Variants in FIZ1 observed in about 807,000 individuals in gnomAD.
FIZ1 encodes flt3-interacting zinc finger protein 1.
Under a neutral mutation model 5.3 loss-of-function variants are expected in FIZ1, and 2 were observed. The ratio of observed to expected loss-of-function variants is 0.37; its 90% CI spans 0.15 to 1.18. FIZ1 has a LOEUF of 1.18. Ranked by LOEUF, FIZ1 falls within the 50% of genes most tolerant of loss-of-function variation. FIZ1 has a pLI of 0.37. For synonymous variants in FIZ1, 407 were observed against 364.2 expected, an observed-to-expected ratio of 1.12 and a Z score of -1.34; for missense variants, 631 against 749.7, an observed-to-expected ratio of 0.84 and a Z score of 1.85.
In FIZ1 at chr19:55,597,815, G is replaced by A. The variant is rs189301284; in HGVS notation, c.51C>T (p.Ala17=). 28 of 1,612,388 alleles carry A rather than the reference G, an allele frequency of 1.7e-5. No individual in the cohort carries two copies. The Admixed American group carries it at 3.8e-4, about 22-fold the overall frequency. The change falls in exon 2 of 3, where the codon GCC becomes GCT. Residue 17 remains alanine (A), a synonymous_variant. Coordinates refer to ENST00000221665, the MANE Select transcript of FIZ1 (RefSeq NM_032836.3). The part of the protein sequence containing the change: ...PTPAPAPPAA[A]APRVPFHCSE... ...TGCAGTGAAACGGGACCCTGGGGGC[G>A]GCAGCGGCGGGCGGTGCTGGTGCAG... is the stretch of plus-strand genomic sequence containing the variant.
chr19:55,592,801 G>A lies in FIZ1; in HGVS notation c.1140C>T (p.Ser380=), dbSNP rs1447046847. The change falls in exon 3 of 3, where the codon AGC becomes AGT. Residue 380 remains serine, a synonymous_variant. Transcript: ENST00000221665. This position sits in a 1 kb window ranked among gnomAD's most constrained non-coding sequence, Gnocchi z 6.9. ...LAALEEHRRV[S]HGEGGGEEAA... ...CCTCCTCCCCGCCGCCCTCACCGTG[G>A]CTGACCCGCCGGTGCTCCTCCAAGG... is the stretch of plus-strand genomic sequence containing the variant. 16 of 1,584,388 alleles carry A rather than the reference G, an allele frequency of 1.0e-5. No individual in the cohort carries two copies. Among genetic ancestry groups the A allele is most frequent in the Non-Finnish European group, 1.4e-5 (16 of 1,170,332 alleles).
At position 55,592,702 on chromosome 19, in the gene FIZ1, G is replaced by A. The variant is rs1980069449; in HGVS notation, c.1239C>T (p.Ile413=). The A allele has an allele frequency of 2.5e-6, 4 of 1,613,000 alleles. No individual in the cohort carries two copies. Among genetic ancestry groups the A allele is most frequent in the Non-Finnish European group, 3.4e-6 (4 of 1,179,820 alleles). The change falls in exon 3 of 3, where the codon ATC becomes ATT. Residue 413 remains isoleucine (I), a synonymous_variant. Transcript: ENST00000221665. The surrounding 1 kb of genome is among the most constrained non-coding windows in gnomAD (Gnocchi z 6.9). ...PPSGSGRGKK[I]FGCSECEKLF... is the part of the protein sequence containing the mutation. Reference sequence around the variant, plus strand: ...GCTTCTCGCACTCGGAGCAGCCGAAGATCTTCTTGCCGCGGCCGGAGCCAG... The same window carrying A: ...GCTTCTCGCACTCGGAGCAGCCGAAAATCTTCTTGCCGCGGCCGGAGCCAG...
At chr19:55,599,432 G>A (rs1980519644) in intron 1 of FIZ1, 42 bp downstream of exon 1, 1 of 152,276 alleles carries the variant, frequency 6.6e-6, no homozygotes, top group African/African-American at 2.4e-5. Flanking sequence ...GCGGCCCCGG[G>A]AGGCCGGGGA....
Position 55,593,514 on chromosome 19 carries a change from C to T in FIZ1, c.427G>A (p.Gly143Ser). ...CAGGGCGCACTCAAGGCGGGCAGGCCAGGGCCGGGCTGCAGGGGAGAGGGG... is the reference window on the plus strand; with the variant it reads ...CAGGGCGCACTCAAGGCGGGCAGGCTAGGGCCGGGCTGCAGGGGAGAGGGG... ...VLPSPLQPGP[G>S]LPALSAPCSV... Residue 143 changes from glycine to serine, a missense_variant, in exon 3 of 3, where the codon GGC becomes AGC. Physicochemically the swap from Gly to Ser is moderately conservative, Grantham distance 56. Coordinates refer to ENST00000221665, the MANE Select transcript of FIZ1 (RefSeq NM_032836.3). This position sits in a 1 kb window ranked among gnomAD's most constrained non-coding sequence, Gnocchi z 6.3. 3.9e-6 allele frequency: 6 copies of T among 1,550,062 alleles called. No homozygotes were observed. Among genetic ancestry groups the T allele is most frequent in the Non-Finnish European group, 5.2e-6 (6 of 1,146,720 alleles).
intron 2 of FIZ1, 25 bp downstream of exon 2, chr19:55,597,547 C>A (rs1980385726): frequency 6.2e-7 from 1 of 1,600,638 alleles, no homozygotes; most frequent in African/African-American, 1.3e-5. Flanking sequence ...GGGAGGCCAG[C>A]CTAGGGCCGG....
chr19:55,593,329 G>A lies in FIZ1; in HGVS notation c.612C>T (p.Ala204=), dbSNP rs1568515914. ...GGCCGTGGTCGAAGCGCCGCGCGCAGGCGCCGCACGCAAATGGGGGCAAGG... is the reference window on the plus strand; with the variant it reads ...GGCCGTGGTCGAAGCGCCGCGCGCAAGCGCCGCACGCAAATGGGGGCAAGG... ...AASLPPFACG[A]CARRFDHGRE... The change falls in exon 3 of 3, where the codon GCC becomes GCT. Residue 204 remains alanine (A), a synonymous_variant. Transcript: ENST00000221665. The surrounding 1 kb of genome is among the most constrained non-coding windows in gnomAD (Gnocchi z 6.3). The A allele has an allele frequency of 1.5e-6, 2 of 1,295,718 alleles. No homozygotes were observed. Among genetic ancestry groups the A allele is most frequent in the Non-Finnish European group, 2.0e-6 (2 of 1,024,278 alleles). 80.3% of individuals were successfully genotyped at this position (1,295,718 alleles called of 1,614,324 possible). A position where few individuals can be genotyped will look rare whatever the true frequency, so the allele number is the denominator to read the frequency against.
At chr19:55,595,355 T>G (rs1980275941) in intron 2 of FIZ1, among the ~76,000 whole-genome samples, 1 of 152,188 alleles carries the variant, frequency 6.6e-6, no homozygotes, top group Non-Finnish European at 1.5e-5. Flanking sequence ...CTCTACTCTT[T>G]TAACACAACA....
Position 55,593,473 on chromosome 19 carries a change from A to G in FIZ1, c.468T>C (p.Asn156=). ...CCCCGCACACCGAGCAGGGCCCCACATTGCAGCAGACGGAGCAGGGCGCAC... is the reference window on the plus strand; with the variant it reads ...CCCCGCACACCGAGCAGGGCCCCACGTTGCAGCAGACGGAGCAGGGCGCAC... ...ALSAPCSVCC[N]VGPCSVCGGS... Residue 156 remains asparagine, a synonymous_variant, in exon 3 of 3, where the codon AAT becomes AAC. Transcript: ENST00000221665. This position sits in a 1 kb window ranked among gnomAD's most constrained non-coding sequence, Gnocchi z 6.3. 1 of 1,548,174 alleles carries G rather than the reference A, an allele frequency of 6.5e-7. No individual in the cohort carries two copies. The highest frequency in any genetic ancestry group is 2.0e-4 in the Middle Eastern group (1 of 4,912).
intron 1 of FIZ1, chr19:55,599,057 A>C (rs1773043053): frequency 6.6e-6 from 1 of 151,980 alleles, no homozygotes; most frequent in Non-Finnish European, 1.5e-5. Flanking sequence ...CTTCTGAGCC[A>C]CGCCCCTTTA....
Position 55,592,197 on chromosome 19 carries a change from G to A in FIZ1, c.*253C>T. On this transcript the variant is annotated 3_prime_UTR_variant, in exon 3 of 3. Transcript: ENST00000221665. This position sits in a 1 kb window ranked among gnomAD's most constrained non-coding sequence, Gnocchi z 6.9. ...ACCCACACTCATTCCAGGGACCTCA[G>A]GCTCAGGAGTCTCTCCCTAGATTTG... The A allele has an allele frequency of 1.9e-6, 1 of 521,844 alleles. No individual in the cohort carries two copies. Among genetic ancestry groups the A allele is most frequent in the South Asian group, 2.9e-5 (1 of 34,416 alleles). The allele number at this position is 521,844 out of a possible 1,614,324, so 32.3% of individuals were successfully genotyped here.
At position 55,592,806 on chromosome 19, in the gene FIZ1, C is replaced by G. The variant is rs575221511; in HGVS notation, c.1135G>C (p.Val379Leu). ...TCCCCGCCGCCCTCACCGTGGCTGA[C>G]CCGCCGGTGCTCCTCCAAGGCGGCC... ...ALAALEEHRR[V>L]SHGEGGGEEA... Residue 379 changes from valine to leucine, a missense_variant, in exon 3 of 3, where the codon GTC (valine) becomes CTC (leucine). Transcript: ENST00000221665. This position sits in a 1 kb window ranked among gnomAD's most constrained non-coding sequence, Gnocchi z 6.9. 6.1e-4 allele frequency: 970 copies of G among 1,585,130 alleles called. No homozygotes were observed. Among genetic ancestry groups the G allele is most frequent in the Non-Finnish European group, 8.1e-4 (952 of 1,170,724 alleles).
In FIZ1 at chr19:55,592,408, C is replaced by A. The variant is rs1402393844; in HGVS notation, c.*42G>T. The A allele has an allele frequency of 6.7e-7, 1 of 1,500,322 alleles. No individual in the cohort carries two copies. The highest frequency in any genetic ancestry group is 8.9e-7 in the Non-Finnish European group (1 of 1,118,924). The allele number at this position is 1,500,322 out of a possible 1,614,324, so 92.9% of individuals were successfully genotyped here. A position where few individuals can be genotyped will look rare whatever the true frequency, so the allele number is the denominator to read the frequency against. On this transcript the variant is annotated 3_prime_UTR_variant, in exon 3 of 3. Coordinates refer to ENST00000221665, the MANE Select transcript of FIZ1 (RefSeq NM_032836.3). This position sits in a 1 kb window ranked among gnomAD's most constrained non-coding sequence, Gnocchi z 6.9. ...CGAGGTCCCCTGGTCCAGGCCGAGT[C>A]CAGGAGGCTGGGTGGAGGGCAGGGC... is the stretch of plus-strand genomic sequence containing the variant.
chr19:55,594,181 G>A (rs1186244434), intron 2 of FIZ1, among the ~76,000 whole-genome samples: 1 of 151,924 alleles, frequency 6.6e-6, no homozygotes, highest in African/African-American at 2.4e-5. Context: ...TTGAGGTCAA[G>A]AGTTCGAGAC....
At chr19:55,597,992 CTG>C in intron 1 of FIZ1, 91 bp from the exon 2 acceptor site, 2 of 1,357,394 alleles carry the variant, frequency 1.5e-6, no homozygotes, top group Non-Finnish European at 2.0e-6. Flanking sequence ...CACCTGTCCC[CTG>C]GGAGACCCTC....
intron 2 of FIZ1, among the ~76,000 whole-genome samples, chr19:55,595,134 T>C (rs961186668): frequency 6.6e-6 from 1 of 152,198 alleles, no homozygotes; most frequent in Non-Finnish European, 1.5e-5. Flanking sequence ...TTTGTGAGTA[T>C]GGTAATGTCT....
rs1275393242 is a variant in FIZ1 at position 55,591,918 on chromosome 19, G to C, written c.*532C>G. ...TGAAAAAGGGGAAAGGCAGATTTCG[G>C]CTATATCCATTTTCTGGGGTCACCA... On this transcript the variant is annotated 3_prime_UTR_variant, in exon 3 of 3. Transcript: ENST00000221665. The C allele has an allele frequency of 1.3e-5, 2 of 153,780 alleles. No homozygotes were observed. Among genetic ancestry groups the C allele is most frequent in the Non-Finnish European group, 2.9e-5 (2 of 68,958 alleles). 9.5% of individuals were successfully genotyped at this position (153,780 alleles called of 1,614,324 possible).
chr19:55,593,162 G>C lies in FIZ1; in HGVS notation c.779C>G (p.Ala260Gly). 8.6e-7 allele frequency: 1 copy of C among 1,164,200 alleles called. No homozygotes were observed. Among genetic ancestry groups the C allele is most frequent in the Non-Finnish European group, 1.1e-6 (1 of 940,436 alleles). 72.1% of individuals were successfully genotyped at this position (1,164,200 alleles called of 1,614,324 possible). ...GCCTGGCCCCGCGGCCCAGGCCTGCGCTGGGGGCGCGCCCGGGCCCTGCAG... is the reference window on the plus strand; with the variant it reads ...GCCTGGCCCCGCGGCCCAGGCCTGCCCTGGGGGCGCGCCCGGGCCCTGCAG... Reference protein sequence around the residue: ...HDLQGPGAPPAQAWAAGPGAG... With the variant: ...HDLQGPGAPPGQAWAAGPGAG... The change falls in exon 3 of 3, where the codon GCG becomes GGG. Residue 260 changes from alanine to glycine, a missense_variant. Transcript: ENST00000221665. The surrounding 1 kb of genome is among the most constrained non-coding windows in gnomAD (Gnocchi z 6.3).
intron 2 of FIZ1, among the ~76,000 whole-genome samples, chr19:55,597,341 A>G (rs1980374474): frequency 6.6e-6 from 1 of 151,938 alleles, no homozygotes; most frequent in African/African-American, 2.4e-5. Flanking sequence ...ATAGATGGGG[A>G]AATTTACTAT....
rs1469185825 is a variant in FIZ1, at chr19:55,592,791, C to T, written c.1150G>A (p.Gly384Ser). 6.3e-7 allele frequency: 1 copy of T among 1,593,878 alleles called. No individual in the cohort carries two copies. The highest frequency in any genetic ancestry group is 1.3e-5 in the African/African-American group (1 of 74,546). ...EEHRRVSHGEGGGEEAATAAR... is the reference protein window; with the variant it reads ...EEHRRVSHGESGGEEAATAAR... ...GCGGTCGCCGCCTCCTCCCCGCCGC[C>T]CTCACCGTGGCTGACCCGCCGGTGC... Residue 384 changes from glycine (G) to serine (S), a missense_variant, in exon 3 of 3, where the codon GGC becomes AGC. Gly to Ser is a moderately conservative substitution (Grantham distance 56, BLOSUM62 0). Transcript: ENST00000221665. This position sits in a 1 kb window ranked among gnomAD's most constrained non-coding sequence, Gnocchi z 6.9.
Sources: gnomAD v4.1 joint callset for allele counts (sites outside exome capture counted in the v4.1 genomes callset) on GRCh38, gnomAD v4.1.1 for gene constraint, Gnocchi (gnomAD v3.1) non-coding constraint, MANE v1.5 for transcripts, NCBI Gene and HGNC (gene_info 2026-07-23, HGNC 2026-07-21) for gene names.